The following CKMT2 variants were observed in gnomAD, a reference collection of about 807,000 sequenced individuals.
CKMT2 encodes creatine kinase, mitochondrial 2, also known as creatine kinase S-type, mitochondrial.
Under a neutral mutation model 48.9 loss-of-function variants are expected in CKMT2, and 43 were observed. The ratio of observed to expected loss-of-function variants is 0.88; its 90% CI spans 0.69 to 1.13. The LOEUF is 1.13. CKMT2 is among the 50% of genes most tolerant of loss of function. The pLI is 0.00. For synonymous variants in CKMT2, 206 were observed against 213.0 expected (o/e 0.97, Z 0.29); for missense variants, 472 against 555.4 (o/e 0.85, Z 1.51).
At chr5:81,242,434 TC>T in intron 1 of CKMT2, 1 of 514,176 alleles carries the variant, frequency 1.9e-6, no homozygotes, top group South Asian at 1.5e-5. Flanking sequence ...TTACAGGGTT[TC>T]CCCTCTCTGT....
At chr5:81,244,781 G>T (rs570652380) in intron 1 of CKMT2, 6 of 152,162 alleles carry the variant, frequency 3.9e-5, no homozygotes, top group Admixed American at 1.3e-4. Context: ...TACACAGGAG[G>T]GGAAACGGAC....
At chr5:81,253,566 T>C (rs1756895860) in intron 3 of CKMT2, among the ~76,000 whole-genome samples, 2 of 152,168 alleles carry the variant, frequency 1.3e-5, no homozygotes, top group South Asian at 4.1e-4. Context: ...TGGGTTCTTC[T>C]GTTGCAGGGA....
intron 9 of CKMT2, among the ~76,000 whole-genome samples, chr5:81,264,898 A>T (rs956982620): frequency 6.6e-6 from 1 of 152,170 alleles, no homozygotes; most frequent in Non-Finnish European, 1.5e-5. Context: ...CATGTTTAAT[A>T]TTATAACCAA....
chr5:81,238,150 T>A (rs763150609), intron 1 of CKMT2: 3 of 152,054 alleles, frequency 2.0e-5, no homozygotes, highest in Admixed American at 1.3e-4. Flanking sequence ...CTGGCTAACA[T>A]GGTGAAACCC....
At chr5:81,238,656 C>T (rs1368070864) in intron 1 of CKMT2, 1 of 152,462 alleles carries the variant, frequency 6.6e-6, no homozygotes, top group Non-Finnish European at 1.5e-5. Context: ...TCCAACCTGT[C>T]TCTGCAGTCC....
Position 81,261,045 on chromosome 5 carries a change from T to A in CKMT2, c.1014+1791T>A, listed in dbSNP as rs1757204935. The stretch of plus-strand genomic sequence containing the variant: ...AATCAACTCAGCTTCATCTCTGAGA[T>A]GCAAGGCTGGTTCAACGTACACAAA... On this transcript the variant is annotated intron_variant, in intron 8 of 9. Coordinates refer to ENST00000254035, the MANE Select transcript of CKMT2 (RefSeq NM_001099735.2). 2.0e-5 allele frequency among the ~76,000 whole-genome samples: 3 copies of A among 152,226 alleles called. No individual in the cohort carries two copies. The South Asian group carries it at 6.2e-4, about 32-fold the overall frequency.
chr5:81,255,110 G>A lies in CKMT2; in HGVS notation c.565G>A (p.Glu189Lys). The A allele has an allele frequency of 6.2e-7, 1 of 1,614,110 alleles. No homozygotes were observed. The highest frequency in any genetic ancestry group is 8.5e-7 in the Non-Finnish European group (1 of 1,180,026). Residue 189 changes from glutamate (E) to lysine (K), a missense_variant, in exon 5 of 10, where the codon GAG becomes AAG. Coordinates refer to ENST00000254035, the MANE Select transcript of CKMT2 (RefSeq NM_001099735.2). ...CACCCGGGCCGAGCGAAGGGAGGTA[G>A]AGAACGTGGCCATCACTGCCCTGGA... ...ACTRAERREVENVAITALEGL... is the reference protein window; with the variant it reads ...ACTRAERREVKNVAITALEGL...
chr5:81,236,891 T>C (rs537039864), intron 1 of CKMT2, among the ~76,000 whole-genome samples: 5 of 152,330 alleles, frequency 3.3e-5, no homozygotes, highest in African/African-American at 1.2e-4. Context: ...GGTTCACACC[T>C]CTAATCCCAG....
At chr5:81,258,227 C>T (rs952661592) in intron 7 of CKMT2, among the ~76,000 whole-genome samples, 17 of 152,212 alleles carry the variant, frequency 1.1e-4, no homozygotes, top group Non-Finnish European at 2.1e-4. Flanking sequence ...TGAGCCACCA[C>T]GCCCAGCCTC....
chr5:81,253,806 G>T (rs1478748243), intron 3 of CKMT2, among the ~76,000 whole-genome samples: 2 of 152,280 alleles, frequency 1.3e-5, no homozygotes, highest in African/African-American at 4.8e-5. Flanking sequence ...TAACATAAAG[G>T]ATATGCCTGA....
At chr5:81,239,564 T>C (rs1310029243) in intron 1 of CKMT2, among the ~76,000 whole-genome samples, 1 of 152,144 alleles carries the variant, frequency 6.6e-6, no homozygotes, top group Middle Eastern at 3.2e-3. Context: ...GGTCTATTCA[T>C]CGTTTCCACT....
At chr5:81,257,214 G>T (rs1757044749) in intron 6 of CKMT2, among the ~76,000 whole-genome samples, 1 of 151,318 alleles carries the variant, frequency 6.6e-6, no homozygotes, top group African/African-American at 2.4e-5. Context: ...AAGATGTGTA[G>T]AAATATGACC....
At chr5:81,239,680 C>T (rs916175654) in intron 1 of CKMT2, among the ~76,000 whole-genome samples, 20 of 152,282 alleles carry the variant, frequency 1.3e-4, no homozygotes, top group South Asian at 1.0e-3. Context: ...CAAACAACAT[C>T]GTTGAATGGT....
At chr5:81,242,368 T>C in intron 1 of CKMT2, 1 of 460,548 alleles carries the variant, frequency 2.2e-6, no homozygotes, top group Non-Finnish European at 4.2e-6. Flanking sequence ...ATGACATCCT[T>C]GGGCTGAGAC....
chr5:81,263,288 C>T (rs12518716), intron 8 of CKMT2, among the ~76,000 whole-genome samples: 12,326 of 151,152 alleles, frequency 0.082, 577 homozygotes, highest in Middle Eastern at 0.18. Context: ...CAAACCTGCA[C>T]GTTCTGCACA....
intron 9 of CKMT2, 73 bp downstream of exon 9, chr5:81,263,689 C>T (rs1486808875): frequency 1.4e-6 from 2 of 1,426,036 alleles, no homozygotes; most frequent in South Asian, 1.5e-5. Flanking sequence ...AAGCAAACAG[C>T]CTAGCCGTTT....
intron 1 of CKMT2, among the ~76,000 whole-genome samples, chr5:81,236,948 G>A (rs574371954): frequency 1.3e-5 from 2 of 152,156 alleles, no homozygotes; most frequent in Non-Finnish European, 2.9e-5. Context: ...TCAGGAGTTC[G>A]AGACCAGCCC....
At position 81,260,546 on chromosome 5, in the gene CKMT2, GTACAGAAA is replaced by G. The variant is rs1423397819; in HGVS notation, c.1014+1297_1014+1304del. On this transcript the variant is annotated intron_variant, in intron 8 of 9. Transcript: ENST00000254035. ...GATAAAGGGGCTATCACCACTGATC[GTACAGAAA>G]TACAAACTACCATCAGAGAATACTA... is the stretch of plus-strand genomic sequence containing the variant. 1.6e-4 allele frequency among the ~76,000 whole-genome samples: 25 copies of G among 152,208 alleles called. No individual in the cohort carries two copies. In the East Asian group the frequency reaches 4.6e-3, roughly 28 times the overall value.
intron 1 of CKMT2, among the ~76,000 whole-genome samples, chr5:81,234,465 C>G (rs1756195243): frequency 6.6e-6 from 1 of 152,238 alleles, no homozygotes; most frequent in Non-Finnish European, 1.5e-5. Context: ...TAGAGGCGAG[C>G]ATGGCCACAG....
Sources: allele counts gnomAD v4.1 joint callset (sites outside exome capture counted in the v4.1 genomes callset), GRCh38; gene constraint gnomAD v4.1.1; transcripts MANE v1.5; gene names NCBI Gene and HGNC (gene_info 2026-07-23, HGNC 2026-07-21).